KIAA1217: variants seen among roughly 807,000 people sequenced by gnomAD.
KIAA1217 encodes KIAA1217.
In KIAA1217, 88 loss-of-function variants were observed where a neutral mutation model predicts 163.9. The ratio of observed to expected loss-of-function variants is 0.54; its 90% CI spans 0.45 to 0.64. The LOEUF is 0.64. Ranked by LOEUF, KIAA1217 falls within the 30% of genes least tolerant of loss-of-function variation. KIAA1217 has a pLI of 0.00. For missense variants in KIAA1217, 2,372 were observed against 2,475.0 expected, an observed-to-expected ratio of 0.96 and a Z score of 0.88; for synonymous variants, 903 against 923.1, an observed-to-expected ratio of 0.98 and a Z score of 0.39.
chr10:23,794,114 G>A (rs190187911), intron 1 of KIAA1217, among the ~76,000 whole-genome samples: 4 of 152,166 alleles, frequency 2.6e-5, no homozygotes, highest in Admixed American at 6.5e-5. Context: ...GCCTTTAAGC[G>A]ATTCCTTTCT....
At chr10:24,401,659 T>C (rs1211996738) in intron 3 of KIAA1217, among the ~76,000 whole-genome samples, 1 of 152,124 alleles carries the variant, frequency 6.6e-6, no homozygotes, top group Non-Finnish European at 1.5e-5. Context: ...CCCTCTAAGA[T>C]AGGGAACAGC....
At chr10:24,352,255 G>A (rs189353367) in intron 2 of KIAA1217, among the ~76,000 whole-genome samples, 2 of 152,356 alleles carry the variant, frequency 1.3e-5, no homozygotes, top group Non-Finnish European at 2.9e-5. Flanking sequence ...CATTGTGAAT[G>A]GGGAGGTGGG....
chr10:24,385,129 T>G (rs1232230932), intron 3 of KIAA1217, among the ~76,000 whole-genome samples: 1 of 152,154 alleles, frequency 6.6e-6, no homozygotes, highest in African/African-American at 2.4e-5. Context: ...GCTAGGCAAC[T>G]TGAGGGTGGA....
rs1564745178 is a variant in KIAA1217, at chr10:24,473,251, A to C, written c.870A>C (p.Ala290=). Residue 290 remains alanine (A), a synonymous_variant, in exon 6 of 21, where the codon GCA becomes GCC. Coordinates refer to ENST00000376454, the MANE Select transcript of KIAA1217 (RefSeq NM_019590.5). ...AGATGCAGAGAGAACTTGTTTATGC[A>C]AGAGGAGATGGCCCTGGGGCCCCTC... is the stretch of plus-strand genomic sequence containing the variant. ...DMRMQRELVY[A]RGDGPGAPRP... is the part of the protein sequence containing the mutation. 1 of 1,518,062 alleles carries C rather than the reference A, an allele frequency of 6.6e-7. No individual in the cohort carries two copies. The highest frequency in any genetic ancestry group is 8.8e-7 in the Non-Finnish European group (1 of 1,134,614). 94.0% of individuals were successfully genotyped at this position (1,518,062 alleles called of 1,614,324 possible). A position where few individuals can be genotyped will look rare whatever the true frequency, so the allele number is the denominator to read the frequency against.
At chr10:24,524,244 T>C (rs2071751691) in intron 12 of KIAA1217, 79 bp from the exon 13 acceptor site, 1 of 1,459,922 alleles carries the variant, frequency 6.8e-7, no homozygotes, top group Admixed American at 1.8e-5. Context: ...CACCTGGCTT[T>C]GGGATGACAT....
intron 2 of KIAA1217, among the ~76,000 whole-genome samples, chr10:24,201,636 G>C (rs903635304): frequency 2.2e-4 from 33 of 152,208 alleles, no homozygotes; most frequent in African/African-American, 7.5e-4. Flanking sequence ...TAGTCCTTCT[G>C]TATTAAAACT....
At chr10:24,451,673 C>G (rs182546943) in intron 5 of KIAA1217, among the ~76,000 whole-genome samples, 200 of 152,338 alleles carry the variant, frequency 1.3e-3, no homozygotes, top group African/African-American at 4.7e-3. Flanking sequence ...CTAGGGTTAG[C>G]TCCCGAAGAG....
intron 2 of KIAA1217, chr10:24,255,564 G>A (rs1564352043): frequency 4.4e-6 from 2 of 455,772 alleles, no homozygotes; most frequent in Middle Eastern, 3.3e-4. Flanking sequence ...TTTCTGCTGT[G>A]GGGGGCCCTT....
At chr10:24,395,296 G>C (rs1004312637) in intron 3 of KIAA1217, among the ~76,000 whole-genome samples, 1 of 152,110 alleles carries the variant, frequency 6.6e-6, no homozygotes, top group Non-Finnish European at 1.5e-5. Flanking sequence ...GACACCCTTA[G>C]ACTCAACATC....
intron 1 of KIAA1217, among the ~76,000 whole-genome samples, chr10:23,927,371 T>C (rs1843069940): frequency 6.7e-6 from 1 of 148,238 alleles, no homozygotes; most frequent in South Asian, 2.1e-4. Flanking sequence ...GCCAAATGTT[T>C]TCTATACATT....
intron 1 of KIAA1217, among the ~76,000 whole-genome samples, chr10:23,773,964 C>A (rs1383353218): frequency 1.3e-5 from 2 of 152,092 alleles, no homozygotes; most frequent in African/African-American, 2.4e-5. Flanking sequence ...CTTCTCCTGC[C>A]TAATTGCCCT....
At chr10:24,350,020 C>T (rs1414346687) in intron 2 of KIAA1217, among the ~76,000 whole-genome samples, 2 of 152,024 alleles carry the variant, frequency 1.3e-5, no homozygotes, top group Non-Finnish European at 1.5e-5. Flanking sequence ...GAAAGTGAGA[C>T]CATTAAAAGC....
chr10:24,075,443 A>G (rs1564670110), intron 2 of KIAA1217, among the ~76,000 whole-genome samples: 1 of 151,554 alleles, frequency 6.6e-6, no homozygotes. Flanking sequence ...TCCTTTCCTT[A>G]ATTGCTGTAG....
At position 24,015,161 on chromosome 10, in the gene KIAA1217, T is replaced by C. The variant is rs191539962; in HGVS notation, c.-171+7787T>C. Reference sequence around the variant, plus strand: ...AAAGAAATGTTGAGGACAACAATAATGCTTTCCTGATTCCTCCAAATCATT... The same window carrying C: ...AAAGAAATGTTGAGGACAACAATAACGCTTTCCTGATTCCTCCAAATCATT... On this transcript the variant is annotated intron_variant, in intron 2 of 18. Transcript: ENST00000376462. Among the ~76,000 whole-genome samples, 180 of 152,226 alleles carry C rather than the reference T, an allele frequency of 1.2e-3. 1 individual carries two copies. Among genetic ancestry groups the C allele is most frequent in the Non-Finnish European group, 2.0e-3 (133 of 67,994 alleles).
chr10:24,078,218 A>G (rs1488266813), intron 2 of KIAA1217, among the ~76,000 whole-genome samples: 1 of 152,192 alleles, frequency 6.6e-6, no homozygotes, highest in Non-Finnish European at 1.5e-5. Flanking sequence ...ATAGAGGTTA[A>G]GAGAAGACTC....
chr10:24,513,639 GTGAC>G (rs1184807299), intron 10 of KIAA1217, among the ~76,000 whole-genome samples: 1 of 152,040 alleles, frequency 6.6e-6, no homozygotes, highest in African/African-American at 2.4e-5. Context: ...TGGCCCTCAG[GTGAC>G]TGAATTTCTT....
At chr10:24,078,238 G>T (rs1264316551) in intron 2 of KIAA1217, among the ~76,000 whole-genome samples, 4 of 152,144 alleles carry the variant, frequency 2.6e-5, no homozygotes, top group Non-Finnish European at 5.9e-5. Context: ...CATTATTCAG[G>T]GAAGGATTTC....
At chr10:23,932,485 T>C (rs372754856) in intron 1 of KIAA1217, among the ~76,000 whole-genome samples, 8 of 150,080 alleles carry the variant, frequency 5.3e-5, no homozygotes, top group Non-Finnish European at 8.9e-5. Context: ...AGCAATATAA[T>C]GTATCCTCAA....
intron 1 of KIAA1217, among the ~76,000 whole-genome samples, chr10:23,935,914 A>G (rs1326162515): frequency 6.6e-6 from 1 of 152,210 alleles, no homozygotes; most frequent in Non-Finnish European, 1.5e-5. Context: ...GCACATACAC[A>G]TTATGATAAT....
Sources: allele counts gnomAD v4.1 joint callset (sites outside exome capture counted in the v4.1 genomes callset), GRCh38; gene constraint gnomAD v4.1.1; transcripts MANE v1.5; gene names NCBI Gene and HGNC (gene_info 2026-07-23, HGNC 2026-07-21).